Variants in RPP38 observed in about 807,000 individuals in gnomAD.
RPP38 encodes ribonuclease P/MRP subunit p38.
In RPP38, 2 loss-of-function variants were observed where a neutral mutation model predicts 1.7. That is an observed-to-expected ratio of 1.18 (90% CI 0.48 to 3.70). RPP38 has a LOEUF of 3.70. RPP38 is among the 30% of genes most tolerant of loss of function. The probability of loss-of-function intolerance (pLI) is 0.07; values close to 1 mark genes in which losing one functional copy is unlikely to be tolerated. For synonymous variants in RPP38, 151 were observed against 131.8 expected (o/e 1.15, Z -1.00); for missense variants, 358 against 340.1 (o/e 1.05, Z -0.41).
At position 15,103,686 on chromosome 10, in the gene RPP38, G is replaced by A; in HGVS notation, c.372G>A (p.Leu124=). Residue 124 remains leucine, a synonymous_variant, in exon 3 of 3, where the codon CTG becomes CTA. Transcript: ENST00000378197. The part of the protein sequence containing the change: ...AIGVNEVTRA[L]ERRELLLVLV... ...GCGTTAACGAAGTTACCAGAGCCCT[G>A]GAAAGGAGGGAACTGCTGTTAGTTC... 1 of 1,613,992 alleles carries A rather than the reference G, an allele frequency of 6.2e-7. No individual in the cohort carries two copies. Among genetic ancestry groups the A allele is most frequent in the Non-Finnish European group, 8.5e-7 (1 of 1,180,028 alleles).
At position 15,104,034 on chromosome 10, in the gene RPP38, A is replaced by G; in HGVS notation, c.720A>G (p.Ser240=). ...ELLDTSFEDL[S]KPKRKLADGR... is the part of the protein sequence containing the mutation. ...TGGACACTTCATTTGAAGATCTGTC[A>G]AAACCTAAGAGAAAGCTTGCTGACG... is the stretch of plus-strand genomic sequence containing the variant. The change falls in exon 3 of 3, where the codon TCA becomes TCG. Residue 240 remains serine, a synonymous_variant. Transcript: ENST00000378197. 1 of 1,614,190 alleles carries G rather than the reference A, an allele frequency of 6.2e-7. No individual in the cohort carries two copies. Among genetic ancestry groups the G allele is most frequent in the Non-Finnish European group, 8.5e-7 (1 of 1,180,040 alleles).
chr10:15,098,910 C>T (rs971076246), intron 1 of RPP38, among the ~76,000 whole-genome samples: 12 of 134,158 alleles, frequency 8.9e-5, no homozygotes, highest in East Asian at 8.2e-4. Context: ...AAAAAAAGTT[C>T]CTCTGTGAGG....
At chr10:15,099,806 A>T (rs1379876326) in intron 1 of RPP38, among the ~76,000 whole-genome samples, 1 of 151,964 alleles carries the variant, frequency 6.6e-6, no homozygotes, top group Non-Finnish European at 1.5e-5. Context: ...AATTAAAAAA[A>T]TTTTCTGGGC....
chr10:15,103,013 C>T (rs1426926889), intron 2 of RPP38: 3 of 202,150 alleles, frequency 1.5e-5, no homozygotes, highest in African/African-American at 7.2e-5. Flanking sequence ...CATGGTGAAA[C>T]CCTGTCTCTA....
intron 1 of RPP38, among the ~76,000 whole-genome samples, chr10:15,101,610 G>C (rs1471145529): frequency 6.6e-6 from 1 of 152,176 alleles, no homozygotes; most frequent in Non-Finnish European, 1.5e-5. Flanking sequence ...AGGAGGACTG[G>C]CCGGGAGTGG....
chr10:15,098,256 T>C (rs1284939852), intron 1 of RPP38, among the ~76,000 whole-genome samples: 3 of 112,168 alleles, frequency 2.7e-5, no homozygotes, highest in African/African-American at 3.7e-5. Context: ...TTTTGAGACA[T>C]AGCAGTCGCC....
At chr10:15,100,290 AC>A (rs1564547518) in intron 1 of RPP38, among the ~76,000 whole-genome samples, 6 of 143,144 alleles carry the variant, frequency 4.2e-5, no homozygotes, top group African/African-American at 1.4e-4. Flanking sequence ...TATTTGTTTC[AC>A]CCCCTGTCAC....
intron 1 of RPP38, among the ~76,000 whole-genome samples, chr10:15,100,931 T>C (rs1412259743): frequency 6.6e-6 from 1 of 152,220 alleles, no homozygotes; most frequent in African/African-American, 2.4e-5. Context: ...TCCGCCCGCC[T>C]TGGGCTCCCA....
intron 2 of RPP38, 139 bp from the exon 3 acceptor site, chr10:15,103,166 T>C: frequency 1.3e-6 from 1 of 769,198 alleles, no homozygotes; most frequent in South Asian, 2.1e-5. Flanking sequence ...CACTCCAGCC[T>C]GGGCAACAAG....
At position 15,103,662 on chromosome 10, in the gene RPP38, C is replaced by T. The variant is rs1367028903; in HGVS notation, c.348C>T (p.Gly116=). Residue 116 remains glycine (G), a synonymous_variant, in exon 3 of 3, where the codon GGC becomes GGT. Transcript: ENST00000378197. ...ACGTCAGGAAGCAGCTTGCCATTGG[C>T]GTTAACGAAGTTACCAGAGCCCTGG... ...PAHVRKQLAI[G]VNEVTRALER... 8.1e-6 allele frequency: 13 copies of T among 1,613,912 alleles called. No individual in the cohort carries two copies. The highest frequency in any genetic ancestry group is 4.5e-5 in the East Asian group (2 of 44,894).
At chr10:15,101,815 G>T (rs1223892575) in intron 1 of RPP38, among the ~76,000 whole-genome samples, 1 of 152,218 alleles carries the variant, frequency 6.6e-6, no homozygotes, top group African/African-American at 2.4e-5. Flanking sequence ...GCTTGAATCT[G>T]GGAGGCAGAG....
At chr10:15,100,612 G>A (rs1466616347) in intron 1 of RPP38, among the ~76,000 whole-genome samples, 1 of 151,984 alleles carries the variant, frequency 6.6e-6, no homozygotes, top group Non-Finnish European at 1.5e-5. Flanking sequence ...TCTCGGGGCT[G>A]TCCAGTGTGG....
intron 1 of RPP38, among the ~76,000 whole-genome samples, chr10:15,099,462 T>G (rs962260126): frequency 2.7e-5 from 4 of 150,564 alleles, no homozygotes; most frequent in African/African-American, 9.9e-5. Context: ...CAAGACCTTG[T>G]CTCTATAGAA....
At position 15,104,245 on chromosome 10, in the gene RPP38, A is replaced by G. The variant is rs1564550691; in HGVS notation, c.*79A>G. 2 of 1,359,642 alleles carry G rather than the reference A, an allele frequency of 1.5e-6. No individual in the cohort carries two copies. Among genetic ancestry groups the G allele is most frequent in the Non-Finnish European group, 2.0e-6 (2 of 997,016 alleles). 84.2% of individuals were successfully genotyped at this position (1,359,642 alleles called of 1,614,324 possible). ...AGCCTTGAAACTAATAAAATGAGTT[A>G]TACTTACATAGATTCATAGGGTCCT... On this transcript the variant is annotated 3_prime_UTR_variant, in exon 3 of 3. Transcript: ENST00000378197.
Position 15,098,226 on chromosome 10 carries a change from G to GTTTTTTTTTTTT in RPP38, c.-130+472_-130+483dup, listed in dbSNP as rs60451551. ...AGCCACATTGAACTTATTTGAACGT[G>GTTTTTTTTTTTT]TTTTTTTTTTTTTTTTTTTTTTTGA... On this transcript the variant is annotated intron_variant, in intron 1 of 2. Transcript: ENST00000378197. Among the ~76,000 whole-genome samples, 14 of 88,002 alleles carry GTTTTTTTTTTTT rather than the reference G, an allele frequency of 1.6e-4. 2 individuals are homozygous for GTTTTTTTTTTTT. The highest frequency in any genetic ancestry group is 4.4e-4 in the Admixed American group (3 of 6,840). 57.7% of individuals were successfully genotyped at this position (88,002 alleles called of 152,430 possible).
chr10:15,101,643 C>G (rs1845111465), intron 1 of RPP38, among the ~76,000 whole-genome samples: 1 of 152,128 alleles, frequency 6.6e-6, no homozygotes, highest in African/African-American at 2.4e-5. Context: ...GTAATCCCAG[C>G]ACTCTGGGAA....
rs1844973650 is a variant in RPP38 at position 15,097,567 on chromosome 10, T to A, written c.-329T>A. On this transcript the variant is annotated 5_prime_UTR_variant, in exon 1 of 3. Coordinates refer to ENST00000378197, the MANE Select transcript of RPP38 (RefSeq NM_183005.5). ...CCGCAGGACCCGCCGCCCTCCCGGT[T>A]GGGCCGCCCAGTCCCGGGCCGGGCG... 6.6e-6 allele frequency: 1 copy of A among 152,284 alleles called. No individual in the cohort carries two copies. Among genetic ancestry groups the A allele is most frequent in the South Asian group, 2.1e-4 (1 of 4,838 alleles). 9.4% of individuals were successfully genotyped at this position (152,284 alleles called of 1,614,324 possible).
At chr10:15,101,368 C>T (rs1845103506) in intron 1 of RPP38, among the ~76,000 whole-genome samples, 1 of 152,148 alleles carries the variant, frequency 6.6e-6, no homozygotes, top group African/African-American at 2.4e-5. Context: ...GTGATTCTAG[C>T]TGAGCCCCAG....
At chr10:15,098,579 A>AT (rs2131415846) in intron 1 of RPP38, among the ~76,000 whole-genome samples, 1 of 149,586 alleles carries the variant, frequency 6.7e-6, no homozygotes, top group African/African-American at 2.4e-5. Context: ...TTTGGTAGGC[A>AT]TTGTTTAGAT....
Sources: allele counts gnomAD v4.1 joint callset (sites outside exome capture counted in the v4.1 genomes callset), GRCh38; gene constraint gnomAD v4.1.1; transcripts MANE v1.5; gene names NCBI Gene and HGNC (gene_info 2026-07-23, HGNC 2026-07-21).